MARF1: variants seen among roughly 807,000 people sequenced by gnomAD.
MARF1 encodes the protein meiosis regulator and mRNA stability factor 1, also known as limkain-b1.
A neutral mutation model predicts 168.2 loss-of-function variants in MARF1; 24 were observed. That is an observed-to-expected ratio of 0.14 (90% CI 0.10 to 0.20). The LOEUF (loss-of-function observed/expected upper bound fraction) is 0.20, where lower values mean the gene tolerates loss of function less well. Among genes scored for constraint, MARF1 ranks in the 10% least tolerant of loss-of-function variants. MARF1 has a pLI of 1.00. For synonymous variants in MARF1, 868 were observed against 822.4 expected (o/e 1.06, Z -0.95); for missense variants, 1,744 against 2,143.6 (o/e 0.81, Z 3.68).
In MARF1 at chr16:15,600,444, A is replaced by T. The variant is rs1033317422; in HGVS notation, c.4797T>A (p.Leu1599=). Residue 1599 remains leucine, a synonymous_variant, in exon 25 of 27, where the codon CTT becomes CTA. Coordinates refer to ENST00000396368, the MANE Select transcript of MARF1 (RefSeq NM_014647.4). ...CTCTCTTACCACTGCCGTCAGCTCC[A>T]AGCTTGAGTTCCGAGGCTGTGTGCG... ...PESHTASELK[L]GADGSGPSHT... The T allele has an allele frequency of 7.4e-6, 12 of 1,614,022 alleles. No individual in the cohort carries two copies. The highest frequency in any genetic ancestry group is 1.3e-5 in the African/African-American group (1 of 74,912).
intron 19 of MARF1, 31 bp downstream of exon 19, chr16:15,610,944 A>G: frequency 1.6e-5 from 26 of 1,606,176 alleles, no homozygotes; most frequent in Non-Finnish European, 2.2e-5. Context: ...GAGATAGACA[A>G]TATCCTTCCA....
chr16:15,623,348 C>T (rs1321524392), intron 10 of MARF1, among the ~76,000 whole-genome samples: 5 of 129,746 alleles, frequency 3.9e-5, no homozygotes, highest in Non-Finnish European at 6.1e-5. Flanking sequence ...GGCACGATCT[C>T]GGCTTACTGC....
At chr16:15,622,274 A>G (rs188784733) in intron 11 of MARF1, among the ~76,000 whole-genome samples, 1 of 152,214 alleles carries the variant, frequency 6.6e-6, no homozygotes, top group Non-Finnish European at 1.5e-5. Context: ...CACCTAAAAA[A>G]TGAGTCAAAT....
chr16:15,638,150 C>T (rs1014472220), intron 2 of MARF1, among the ~76,000 whole-genome samples: 2 of 152,068 alleles, frequency 1.3e-5, no homozygotes, highest in Non-Finnish European at 2.9e-5. Context: ...GGGGGCTGAG[C>T]CGAGACTCTG....
At chr16:15,640,147 T>C (rs890404477) in intron 1 of MARF1, among the ~76,000 whole-genome samples, 5 of 152,170 alleles carry the variant, frequency 3.3e-5, no homozygotes, top group Non-Finnish European at 7.3e-5. Context: ...CACATCCTCA[T>C]TGACAACTAT....
chr16:15,638,219 G>C (rs941205572), intron 2 of MARF1, among the ~76,000 whole-genome samples: 9 of 152,268 alleles, frequency 5.9e-5, no homozygotes, highest in African/African-American at 1.9e-4. Context: ...TTATATTACA[G>C]TCTCACTTGA....
chr16:15,602,255 C>G, intron 22 of MARF1, 52 bp from the exon 23 acceptor site: 1 of 1,507,782 alleles, frequency 6.6e-7, no homozygotes, highest in Non-Finnish European at 9.2e-7. Flanking sequence ...GGCCCTGCCC[C>G]GTGGAAAGTG....
rs759575753 is a variant in MARF1, at chr16:15,612,600, G to A, written c.3431C>T (p.Ser1144Phe). The change falls in exon 17 of 27, where the codon TCC becomes TTC. Residue 1144 changes from serine to phenylalanine, a missense_variant. Ser to Phe is a radical substitution (Grantham distance 155, BLOSUM62 -2). Around this residue, in one of 7 missense-constraint regions of MARF1, gnomAD observed 543 missense variants for 742.1 expected, o/e 0.73. Transcript: ENST00000396368. ...KQCRVSDYGY[S>F]KLIELLEAVP... ...TGCTTCTAATAACTCAATCAGCTTGGAGTATCCGTAGTCTGACACTCGGCA... is the reference window on the plus strand; with the variant it reads ...TGCTTCTAATAACTCAATCAGCTTGAAGTATCCGTAGTCTGACACTCGGCA... 1 of 1,614,154 alleles carries A rather than the reference G, an allele frequency of 6.2e-7. No individual in the cohort carries two copies. Among genetic ancestry groups the A allele is most frequent in the South Asian group, 1.1e-5 (1 of 91,084 alleles).
chr16:15,600,311 A>G, intron 25 of MARF1, 117 bp downstream of exon 25: 2 of 1,336,530 alleles, frequency 1.5e-6, no homozygotes, highest in Non-Finnish European at 2.1e-6. Context: ...ATGTGTGGCT[A>G]TGTAACTTCA....
At chr16:15,617,236 A>T in intron 14 of MARF1, 63 bp downstream of exon 14, 1 of 1,609,756 alleles carries the variant, frequency 6.2e-7, no homozygotes, top group Non-Finnish European at 8.5e-7. Flanking sequence ...TCACAAGGTC[A>T]TCCTAACATG....
intron 21 of MARF1, among the ~76,000 whole-genome samples, chr16:15,607,128 G>C (rs1156723199): frequency 6.6e-6 from 1 of 152,094 alleles, no homozygotes; most frequent in Non-Finnish European, 1.5e-5. Context: ...AGGGATGTTC[G>C]GCTCTCCTGG....
intron 5 of MARF1, among the ~76,000 whole-genome samples, chr16:15,633,236 G>A (rs886542633): frequency 1.0e-4 from 15 of 150,294 alleles, no homozygotes; most frequent in Non-Finnish European, 1.9e-4. Context: ...CAAGGCAAGA[G>A]GACTGCTTGA....
At chr16:15,635,072 A>G (rs1233674305) in intron 3 of MARF1, 141 bp from the exon 4 acceptor site, 2 of 649,096 alleles carry the variant, frequency 3.1e-6, no homozygotes, top group African/African-American at 3.7e-5. Context: ...CTTTCAAATA[A>G]TCTTTCCAAG....
At chr16:15,603,710 T>C (rs2032737667) in intron 22 of MARF1, among the ~76,000 whole-genome samples, 2 of 152,222 alleles carry the variant, frequency 1.3e-5, no homozygotes, top group Admixed American at 6.5e-5. Flanking sequence ...GAGAATTGCA[T>C]GCAGTATTCT....
In MARF1 at chr16:15,621,817, C is replaced by T; in HGVS notation, c.2555G>A (p.Ser852Asn). 6.2e-7 allele frequency: 1 copy of T among 1,614,164 alleles called. No homozygotes were observed. Among genetic ancestry groups the T allele is most frequent in the East Asian group, 2.2e-5 (1 of 44,886 alleles). Residue 852 changes from serine (S) to asparagine (N), a missense_variant, in exon 12 of 27, where the codon AGC becomes AAC. This residue lies in a region of MARF1 where 543 missense variants were observed against 742.1 expected (regional missense o/e 0.73). Transcript: ENST00000396368. The stretch of plus-strand genomic sequence containing the variant: ...GCTGCCAATTTTGTATCTGTGGAGG[C>T]TATTCACTGCACCGATCGCATCTTG... The part of the protein sequence containing the change: ...NLQDAIGAVN[S>N]LHRYKIGSKK...
At position 15,623,110 on chromosome 16, in the gene MARF1, T is replaced by C. The variant is rs935809507; in HGVS notation, c.2284A>G (p.Asn762Asp). ...AGCGGGGATGCTCTGTTTAAAAGGT[T>C]TGGAGACATACTCCTGCTTAAAACA... ...QSWSSRSMSP[N>D]LLNRASPLAF... Residue 762 changes from asparagine (N) to aspartate (D), a missense_variant, in exon 11 of 27, where the codon AAC becomes GAC. Coordinates refer to ENST00000396368, the MANE Select transcript of MARF1 (RefSeq NM_014647.4). 8.2e-6 allele frequency: 13 copies of C among 1,592,160 alleles called. No homozygotes were observed. The highest frequency in any genetic ancestry group is 1.1e-5 in the Non-Finnish European group (13 of 1,162,256).
At chr16:15,620,566 T>C (rs760357960) in intron 12 of MARF1, 35 bp from the exon 13 acceptor site, 20 of 1,336,070 alleles carry the variant, frequency 1.5e-5, no homozygotes, top group Admixed American at 7.9e-5. Context: ...GAACAGACCA[T>C]TTCCTCCATA....
In MARF1 at chr16:15,620,498, A is replaced by C. The variant is rs1193015385; in HGVS notation, c.2673T>G (p.Pro891=). The C allele has an allele frequency of 1.2e-6, 2 of 1,613,388 alleles. No homozygotes were observed. Among genetic ancestry groups the C allele is most frequent in the East Asian group, 4.5e-5 (2 of 44,870 alleles). ...AETMSVLQDA[P]ACCLPLFKFT... ...ATTTAAACAGAGGCAGGCAACAGGCAGGGGCATCCTGAAGAACAGACATTG... is the reference window on the plus strand; with the variant it reads ...ATTTAAACAGAGGCAGGCAACAGGCCGGGGCATCCTGAAGAACAGACATTG... The change falls in exon 13 of 27, where the codon CCT becomes CCG. Residue 891 remains proline (P), a synonymous_variant. Transcript: ENST00000396368.
intron 10 of MARF1, among the ~76,000 whole-genome samples, chr16:15,623,934 C>G (rs1289227357): frequency 7.9e-6 from 1 of 126,820 alleles, no homozygotes; most frequent in South Asian, 2.5e-4. Context: ...TTTTTTGAGA[C>G]GGAGTCTCGC....
Sources: allele counts gnomAD v4.1 joint callset (sites outside exome capture counted in the v4.1 genomes callset), GRCh38; gene constraint gnomAD v4.1.1; regional missense constraint gnomAD v4.1.1; transcripts MANE v1.5; gene names NCBI Gene and HGNC (gene_info 2026-07-23, HGNC 2026-07-21).